Variants in AKT3 observed in about 807,000 individuals in gnomAD.
AKT3 encodes AKT serine/threonine kinase 3.
In AKT3, 15 loss-of-function variants were observed where a neutral mutation model predicts 65.3. That is an observed-to-expected ratio of 0.23 (90% CI 0.15 to 0.35). The LOEUF (loss-of-function observed/expected upper bound fraction) is 0.35. Ranked by LOEUF, AKT3 falls within the 10% of genes least tolerant of loss-of-function variation. The pLI, the probability that AKT3 is intolerant of heterozygous loss-of-function variation, is 1.00. For synonymous variants in AKT3, 206 were observed against 183.8 expected (o/e 1.12, Z -0.98); for missense variants, 243 against 576.5 (o/e 0.42, Z 5.92).
chr1:243,747,024 T>C (rs1230399442), intron 2 of AKT3, among the ~76,000 whole-genome samples: 1 of 152,134 alleles, frequency 6.6e-6, no homozygotes, highest in Non-Finnish European at 1.5e-5. Context: ...GTGATTCCAT[T>C]GGGAGGATGG....
At chr1:243,695,742 A>T in intron 2 of AKT3, 26 bp from the exon 3 acceptor site, 1 of 1,559,642 alleles carries the variant, frequency 6.4e-7, no homozygotes, top group Non-Finnish European at 8.6e-7. Flanking sequence ...ACGCATGTTA[A>T]TGCTGAAAAA....
At chr1:243,810,762 G>A (rs187284186) in intron 2 of AKT3, among the ~76,000 whole-genome samples, 13 of 152,198 alleles carry the variant, frequency 8.5e-5, no homozygotes, top group African/African-American at 2.4e-4. Flanking sequence ...GATGAACATC[G>A]ATGCAAAAAT....
At chr1:243,846,516 A>C (rs1443938451) in intron 1 of AKT3, among the ~76,000 whole-genome samples, 1 of 152,196 alleles carries the variant, frequency 6.6e-6, no homozygotes, top group African/African-American at 2.4e-5. Context: ...TCAACAAGTC[A>C]AGAAGCATAT....
At position 243,501,353 on chromosome 1, in the gene AKT3, T is replaced by C. The variant is rs1166956900; in HGVS notation, c.*3896A>G. ...CTAAGAAAGGAAATATGCAGAGCAGTACATTATCAGGAAGACGTTAATGAA... is the reference window on the plus strand; with the variant it reads ...CTAAGAAAGGAAATATGCAGAGCAGCACATTATCAGGAAGACGTTAATGAA... On this transcript the variant is annotated 3_prime_UTR_variant, in exon 14 of 14. Transcript: ENST00000673466. The C allele has an allele frequency of 8.6e-6, 2 of 233,216 alleles. No homozygotes were observed. Among genetic ancestry groups the C allele is most frequent in the African/African-American group, 4.4e-5 (2 of 45,454 alleles). The allele number at this position is 233,216 out of a possible 1,614,324, so 14.4% of individuals were successfully genotyped here.
intron 2 of AKT3, among the ~76,000 whole-genome samples, chr1:243,831,300 T>C (rs1694491616): frequency 6.6e-6 from 1 of 152,182 alleles, no homozygotes; most frequent in Non-Finnish European, 1.5e-5. Context: ...ATAACAGATC[T>C]ATGTAATAAC....
intron 3 of AKT3, chr1:243,687,484 T>A (rs1373704754): frequency 1.3e-5 from 2 of 152,182 alleles, no homozygotes; most frequent in Admixed American, 1.3e-4. Flanking sequence ...CATGAAAAGT[T>A]ATGATTATAA....
At chr1:243,732,947 A>T (rs757162389) in intron 2 of AKT3, among the ~76,000 whole-genome samples, 4 of 152,240 alleles carry the variant, frequency 2.6e-5, no homozygotes, top group Non-Finnish European at 5.9e-5. Context: ...AACAACAAAC[A>T]GGTGTTCTAT....
intron 6 of AKT3, chr1:243,625,010 A>G: frequency 2.7e-6 from 1 of 366,042 alleles, no homozygotes; most frequent in Non-Finnish European, 5.7e-6. Flanking sequence ...TGTACTCATC[A>G]AAGTTCTGTC....
intron 3 of AKT3, among the ~76,000 whole-genome samples, chr1:243,688,275 A>C (rs1236099347): frequency 2.0e-5 from 3 of 152,108 alleles, no homozygotes; most frequent in Non-Finnish European, 4.4e-5. Flanking sequence ...GAATATAGCA[A>C]TGTATGTCAA....
chr1:243,536,923 C>G (rs967539989), intron 12 of AKT3, among the ~76,000 whole-genome samples: 6 of 152,162 alleles, frequency 3.9e-5, no homozygotes, highest in African/African-American at 9.7e-5. Flanking sequence ...AGCCTTTCAT[C>G]TCTCTTCCGC....
chr1:243,602,903 A>G (rs1248316467), intron 8 of AKT3, among the ~76,000 whole-genome samples: 1 of 152,198 alleles, frequency 6.6e-6, no homozygotes, highest in East Asian at 1.9e-4. Context: ...GAAACTTCAG[A>G]CTTGAGAGAG....
intron 2 of AKT3, among the ~76,000 whole-genome samples, chr1:243,704,995 G>A (rs1006261718): frequency 1.3e-5 from 2 of 152,028 alleles, no homozygotes; most frequent in Non-Finnish European, 2.9e-5. Context: ...TACAATTTTC[G>A]TGATTTTGTG....
chr1:243,668,364 A>C (rs1682941222), intron 3 of AKT3, among the ~76,000 whole-genome samples: 1 of 152,200 alleles, frequency 6.6e-6, no homozygotes, highest in Admixed American at 6.5e-5. Context: ...ATAAAAGAGA[A>C]GATATAAGGG....
chr1:243,646,186 C>T lies in AKT3; in HGVS notation c.285-149G>A, dbSNP rs115754292. On this transcript the variant is annotated intron_variant, in intron 4 of 13. Coordinates refer to ENST00000673466, the MANE Select transcript of AKT3 (RefSeq NM_005465.7). ...ATAAGCATACACTCTCACCATCACC[C>T]CAAAGTGAAAATAATCCTAAGAGCA... The T allele has an allele frequency of 0.053, 29,119 of 549,664 alleles. 960 individuals are homozygous for T. Among genetic ancestry groups the T allele is most frequent in the Admixed American group, 0.068 (1,651 of 24,422 alleles). The allele number at this position is 549,664 out of a possible 1,614,324, so 34.0% of individuals were successfully genotyped here.
intron 8 of AKT3, chr1:243,613,072 TATATAC>T (rs1172428998): frequency 3.4e-5 from 4 of 117,206 alleles, no homozygotes; most frequent in African/African-American, 5.8e-5. Flanking sequence ...TATATATATA[TATATAC>T]ACACACACAC....
At chr1:243,711,914 T>C (rs933320320) in intron 2 of AKT3, among the ~76,000 whole-genome samples, 1 of 152,190 alleles carries the variant, frequency 6.6e-6, no homozygotes, top group South Asian at 2.1e-4. Flanking sequence ...ATTTAGCAAA[T>C]GGCTCTGAAA....
chr1:243,821,323 A>G (rs924668529), intron 2 of AKT3, among the ~76,000 whole-genome samples: 1 of 152,230 alleles, frequency 6.6e-6, no homozygotes, highest in Non-Finnish European at 1.5e-5. Context: ...CAGCCACTGC[A>G]AAAATACACT....
intron 13 of AKT3, among the ~76,000 whole-genome samples, chr1:243,510,929 G>A (rs1460985164): frequency 6.6e-6 from 1 of 152,274 alleles, no homozygotes; most frequent in Non-Finnish European, 1.5e-5. Context: ...CCAGCATTTT[G>A]GACAATTCTA....
chr1:243,741,139 A>C (rs1385093769), intron 2 of AKT3, among the ~76,000 whole-genome samples: 1 of 152,202 alleles, frequency 6.6e-6, no homozygotes, highest in Non-Finnish European at 1.5e-5. Flanking sequence ...CTAACAGTAT[A>C]AACTCCAGCC....
Sources: gnomAD v4.1 joint callset for allele counts (sites outside exome capture counted in the v4.1 genomes callset) on GRCh38, gnomAD v4.1.1 for gene constraint, MANE v1.5 for transcripts, NCBI Gene and HGNC (gene_info 2026-07-23, HGNC 2026-07-21) for gene names.